TARS2: variants seen among roughly 807,000 people sequenced by gnomAD.
TARS2 encodes the protein threonyl-tRNA synthetase 2, mitochondrial.
Under a neutral mutation model 94.4 loss-of-function variants are expected in TARS2, and 61 were observed. The ratio of observed to expected loss-of-function variants is 0.65; its 90% CI spans 0.53 to 0.80. The LOEUF (loss-of-function observed/expected upper bound fraction) is 0.80. TARS2 is among the 30% of genes least tolerant of loss of function. The pLI, the probability that TARS2 is intolerant of heterozygous loss-of-function variation, is 0.00. For synonymous variants in TARS2, 359 were observed against 353.4 expected, an observed-to-expected ratio of 1.02 and a Z score of -0.18; for missense variants, 704 against 902.5, an observed-to-expected ratio of 0.78 and a Z score of 2.82.
At chr1:150,491,960 A>ATTTTT in intron 6 of TARS2, 1 of 116,434 alleles carries the variant, frequency 8.6e-6, no homozygotes, top group East Asian at 2.0e-4. Flanking sequence ...ATGCCTGGCT[A>ATTTTT]GTTTTTTTTT....
chr1:150,497,299 A>C (rs1669705953), intron 9 of TARS2, among the ~76,000 whole-genome samples: 1 of 152,074 alleles, frequency 6.6e-6, no homozygotes, highest in Non-Finnish European at 1.5e-5. Context: ...AGAAAAAAAA[A>C]GGTGGGGGGG....
chr1:150,497,308 G>A (rs587646149), intron 9 of TARS2, among the ~76,000 whole-genome samples: 2 of 152,010 alleles, frequency 1.3e-5, no homozygotes, highest in Non-Finnish European at 2.9e-5. Flanking sequence ...AAGGTGGGGG[G>A]GCTGGTTTGG....
At chr1:150,500,170 C>T (rs2102498209) in intron 13 of TARS2, among the ~76,000 whole-genome samples, 1 of 151,736 alleles carries the variant, frequency 6.6e-6, no homozygotes, top group South Asian at 2.1e-4. Context: ...GAGTGAGACC[C>T]TGTCTCAAAA....
intron 7 of TARS2, among the ~76,000 whole-genome samples, chr1:150,494,551 C>T (rs1182854959): frequency 5.3e-5 from 8 of 151,886 alleles, no homozygotes; most frequent in Admixed American, 5.2e-4. Flanking sequence ...ACCAGCCTGG[C>T]CAACATGGTG....
At chr1:150,500,479 A>G (rs1039387677) in intron 13 of TARS2, among the ~76,000 whole-genome samples, 29 of 152,158 alleles carry the variant, frequency 1.9e-4, no homozygotes, top group African/African-American at 6.8e-4. Flanking sequence ...TGTAGTCCCA[A>G]CTACTCAGTA....
chr1:150,493,820 G>A (rs1669515667), intron 7 of TARS2, among the ~76,000 whole-genome samples: 1 of 151,678 alleles, frequency 6.6e-6, no homozygotes, highest in Admixed American at 6.6e-5. Context: ...AATGGGATGA[G>A]TTACAAGGGA....
At chr1:150,493,313 G>A (rs587770024) in intron 7 of TARS2, among the ~76,000 whole-genome samples, 1 of 152,252 alleles carries the variant, frequency 6.6e-6, no homozygotes, top group Admixed American at 6.5e-5. Context: ...CAGTATTAAG[G>A]GGGGTGGAGG....
chr1:150,496,783 AC>A, intron 8 of TARS2, 26 bp from the exon 9 acceptor site: 3 of 1,612,088 alleles, frequency 1.9e-6, no homozygotes, highest in African/African-American at 2.7e-5. Context: ...CCTTGAGGTG[AC>A]CCAATATTGC....
rs1004161270 is a variant in TARS2 at position 150,495,812 on chromosome 1, C to T, written c.775-670C>T. On this transcript the variant is annotated intron_variant, in intron 7 of 17. Coordinates refer to ENST00000369064, the MANE Select transcript of TARS2 (RefSeq NM_025150.5). ...GCGACTCACTGCTAGCTCCACCTTC[C>T]GGGTTCATGCCATTGTCCTGCCTCA... Among the ~76,000 whole-genome samples the T allele has an allele frequency of 5.9e-5, 9 of 152,102 alleles. No individual in the cohort carries two copies. In the South Asian group the frequency reaches 6.2e-4, roughly 11 times the overall value.
rs185148560 is a variant in TARS2, at chr1:150,487,522, T to G, written c.66+6T>G. ...AGGCTTGCAGGCTACACACGGTGCGTGAGGCACCCCCAAAGCTCCGATCCG... is the reference window on the plus strand; with the variant it reads ...AGGCTTGCAGGCTACACACGGTGCGGGAGGCACCCCCAAAGCTCCGATCCG... On this transcript the variant is annotated splice_donor_region_variant and intron_variant, in intron 1 of 17. Transcript: ENST00000369064. 6.2e-7 allele frequency: 1 copy of G among 1,614,208 alleles called. No individual in the cohort carries two copies. The highest frequency in any genetic ancestry group is 8.5e-7 in the Non-Finnish European group (1 of 1,180,024).
Position 150,499,032 on chromosome 1 carries a change from C to G in TARS2, c.1537C>G (p.Gln513Glu). ...GDPCLWDQAE[Q>E]VLKQALKEFG... is the part of the protein sequence containing the mutation. ...CCCTTGCCTTTGGGACCAGGCCGAA[C>G]AGGTGAGTAGGAGGTAGAGAAATAG... The change falls in exon 12 of 18, where the codon CAG becomes GAG. Residue 513 changes from glutamine (Q) to glutamate (E), a missense_variant and splice_region_variant. Transcript: ENST00000369064. 6 of 1,614,142 alleles carry G rather than the reference C, an allele frequency of 3.7e-6. No individual in the cohort carries two copies. Among genetic ancestry groups the G allele is most frequent in the Non-Finnish European group, 5.1e-6 (6 of 1,180,020 alleles).
chr1:150,494,446 AT>A (rs1453537825), intron 7 of TARS2, among the ~76,000 whole-genome samples: 1 of 151,904 alleles, frequency 6.6e-6, no homozygotes, highest in African/African-American at 2.4e-5. Flanking sequence ...GTGCTGTAAA[AT>A]ACAGACTGTC....
intron 13 of TARS2, among the ~76,000 whole-genome samples, chr1:150,503,615 A>ATG (rs1670043464): frequency 8.0e-6 from 1 of 125,090 alleles, no homozygotes; most frequent in African/African-American, 4.1e-5. Context: ...GTGTGTATAT[A>ATG]TATGTGTGTG....
chr1:150,503,677 A>ATATATGTGTGTG (rs1560257735), intron 13 of TARS2, among the ~76,000 whole-genome samples: 1 of 148,982 alleles, frequency 6.7e-6, no homozygotes, highest in Non-Finnish European at 1.5e-5. Flanking sequence ...ATATGTGTGT[A>ATATATGTGTGTG]TATATGTGTA....
chr1:150,487,968 G>A lies in TARS2; in HGVS notation c.177G>A (p.Arg59=), dbSNP rs1410458841. The change falls in exon 2 of 18, where the codon CGG becomes CGA. Residue 59 remains arginine (R), a synonymous_variant. Coordinates refer to ENST00000369064, the MANE Select transcript of TARS2 (RefSeq NM_025150.5). ...RLASMAQKEP[R]TIKISLPGGQ... ...CAAGCATGGCACAGAAGGAACCCCG[G>A]ACTATTAAGATATCACTTCCTGGAG... 9 of 1,613,938 alleles carry A rather than the reference G, an allele frequency of 5.6e-6. No homozygotes were observed. Among genetic ancestry groups the A allele is most frequent in the East Asian group, 4.5e-5 (2 of 44,892 alleles).
intron 10 of TARS2, 50 bp from the exon 11 acceptor site, chr1:150,498,452 C>CG (rs780292129): frequency 4.8e-5 from 73 of 1,510,548 alleles, no homozygotes; most frequent in Non-Finnish European, 6.0e-5. Context: ...GAGCAGTCTT[C>CG]GGGGGCTAGT....
At chr1:150,489,646 G>C (rs191310399) in intron 3 of TARS2, among the ~76,000 whole-genome samples, 1 of 152,252 alleles carries the variant, frequency 6.6e-6, no homozygotes, top group East Asian at 1.9e-4. Context: ...GTGTTAAGAA[G>C]ATAGCTTATT....
chr1:150,494,370 C>CAAAAA (rs377287320), intron 7 of TARS2, among the ~76,000 whole-genome samples: 11 of 91,962 alleles, frequency 1.2e-4, no homozygotes, highest in Non-Finnish European at 1.8e-4. Flanking sequence ...GACAACATCT[C>CAAAAA]AAAAAAAAAA....
rs10581752 is a variant in TARS2 at position 150,506,486 on chromosome 1, GCACACACACA to G, written c.2009-409_2009-400del. The stretch of plus-strand genomic sequence containing the variant: ...TAATACCCCCTTCAGACACGCGCGC[GCACACACACA>G]CACACACACACACACACACAGTTTC... On this transcript the variant is annotated intron_variant, in intron 17 of 17. Coordinates refer to ENST00000369064, the MANE Select transcript of TARS2 (RefSeq NM_025150.5). Among the ~76,000 whole-genome samples, 85 of 123,780 alleles carry G rather than the reference GCACACACACA, an allele frequency of 6.9e-4. 1 individual carries two copies. Among genetic ancestry groups the G allele is most frequent in the Admixed American group, 2.3e-3 (29 of 12,390 alleles). 81.2% of individuals were successfully genotyped at this position (123,780 alleles called of 152,430 possible).
Sources: gnomAD v4.1 joint callset for allele counts (sites outside exome capture counted in the v4.1 genomes callset) on GRCh38, gnomAD v4.1.1 for gene constraint, MANE v1.5 for transcripts, NCBI Gene and HGNC (gene_info 2026-07-23, HGNC 2026-07-21) for gene names.